RAPGEF5: variants seen among roughly 807,000 people sequenced by gnomAD.
The protein encoded by RAPGEF5 is M-Ras-regulated GEF.
In RAPGEF5, 65 loss-of-function variants were observed where a neutral mutation model predicts 125.2. That is an observed-to-expected ratio of 0.52 (90% CI 0.43 to 0.64). The LOEUF (loss-of-function observed/expected upper bound fraction) is 0.64, where lower values mean the gene tolerates loss of function less well. Ranked by LOEUF, RAPGEF5 falls within the 30% of genes least tolerant of loss-of-function variation. RAPGEF5 has a pLI of 0.00. For missense variants in RAPGEF5, 958 were observed against 1,048.1 expected (o/e 0.91, Z 1.19); for synonymous variants, 391 against 385.9 (o/e 1.01, Z -0.16).
At chr7:22,135,412 G>A (rs1783049240) in intron 23 of RAPGEF5, among the ~76,000 whole-genome samples, 2 of 152,306 alleles carry the variant, frequency 1.3e-5, no homozygotes, top group African/African-American at 2.4e-5. Context: ...TGGTTTGAAA[G>A]AGAGATCACT....
rs113564958 is a variant in RAPGEF5 at position 22,308,796 on chromosome 7, G to T, written c.512-289C>A. On this transcript the variant is annotated intron_variant, in intron 4 of 25. Coordinates refer to ENST00000665637, the MANE Select transcript of RAPGEF5 (RefSeq NM_012294.5). ...ATCAATAACAATTCAAAGAGGATGG[G>T]GAGAAATCTTTTTTAGTGACCCAAA... is the stretch of plus-strand genomic sequence containing the variant. 1.5e-3 allele frequency among the ~76,000 whole-genome samples: 222 copies of T among 152,278 alleles called. 2 individuals carry two copies. Among genetic ancestry groups the T allele is most frequent in the African/African-American group, 5.2e-3 (215 of 41,564 alleles).
chr7:22,283,081 T>C (rs1782712865), intron 6 of RAPGEF5, among the ~76,000 whole-genome samples: 1 of 145,710 alleles, frequency 6.9e-6, no homozygotes, highest in African/African-American at 2.6e-5. Flanking sequence ...GCATGAAAAA[T>C]AACCTAGCAA....
intron 1 of RAPGEF5, among the ~76,000 whole-genome samples, chr7:22,352,465 C>T (rs1041531473): frequency 6.6e-6 from 1 of 151,796 alleles, no homozygotes; most frequent in African/African-American, 2.4e-5. Context: ...TTCAGGGTTT[C>T]AGGTCGGGAG....
chr7:22,127,968 C>T (rs918426068), intron 24 of RAPGEF5, among the ~76,000 whole-genome samples: 2 of 152,190 alleles, frequency 1.3e-5, no homozygotes, highest in African/African-American at 4.8e-5. Context: ...TGAGACCTGA[C>T]TCATGTCTGT....
chr7:22,296,784 A>G (rs1583557750), intron 5 of RAPGEF5, among the ~76,000 whole-genome samples: 2 of 152,304 alleles, frequency 1.3e-5, no homozygotes, highest in East Asian at 3.9e-4. Flanking sequence ...CAGGAAAAGG[A>G]AAGATTAGCA....
chr7:22,138,870 TGCCAA>T (rs1400495467), intron 21 of RAPGEF5, among the ~76,000 whole-genome samples: 1 of 152,220 alleles, frequency 6.6e-6, no homozygotes, highest in Non-Finnish European at 1.5e-5. Context: ...CACTGACCCT[TGCCAA>T]GCCATTTGTT....
chr7:22,343,542 G>T (rs1332553707), intron 1 of RAPGEF5, among the ~76,000 whole-genome samples: 1 of 152,160 alleles, frequency 6.6e-6, no homozygotes, highest in Admixed American at 6.5e-5. Flanking sequence ...CAAAAGCTCT[G>T]AAATAGTTTC....
intron 10 of RAPGEF5, 53 bp downstream of exon 10, chr7:22,193,862 C>T: frequency 6.2e-7 from 1 of 1,611,314 alleles, no homozygotes; most frequent in African/African-American, 1.3e-5. Flanking sequence ...GGAAGGCAGG[C>T]AGGGAAAAGG....
intron 1 of RAPGEF5, among the ~76,000 whole-genome samples, chr7:22,337,928 T>C (rs1784055760): frequency 6.6e-6 from 1 of 152,256 alleles, no homozygotes; most frequent in African/African-American, 2.4e-5. Flanking sequence ...TCAAAGTACC[T>C]ATATGCAACC....
At chr7:22,198,892 T>A (rs937854800) in intron 9 of RAPGEF5, among the ~76,000 whole-genome samples, 4 of 152,200 alleles carry the variant, frequency 2.6e-5, no homozygotes, top group African/African-American at 4.8e-5. Flanking sequence ...AGCAGACAGA[T>A]GGCGAAGCTG....
At chr7:22,165,435 T>C (rs1784132569) in intron 12 of RAPGEF5, among the ~76,000 whole-genome samples, 1 of 152,202 alleles carries the variant, frequency 6.6e-6, no homozygotes, top group African/African-American at 2.4e-5. Context: ...ACAGATATTT[T>C]TCCAAAACAC....
At position 22,267,000 on chromosome 7, in the gene RAPGEF5, G is replaced by T; in HGVS notation, c.760C>A (p.Leu254Ile). 6.2e-7 allele frequency: 1 copy of T among 1,610,052 alleles called. No individual in the cohort carries two copies. The highest frequency in any genetic ancestry group is 8.5e-7 in the Non-Finnish European group (1 of 1,176,896). The change falls in exon 7 of 26, where the codon CTA becomes ATA. Residue 254 changes from leucine to isoleucine, a missense_variant. Transcript: ENST00000665637. Reference protein sequence around the residue: ...VRLTSAVQRELAAVIALKARK... With the variant: ...VRLTSAVQREIAAVIALKARK... ...GCTTTCAAAGCAATAACAGCTGCTA[G>T]CTCTCTCTGCACCTAATAAAATATT...
chr7:22,331,992 T>C (rs533857455), intron 1 of RAPGEF5, among the ~76,000 whole-genome samples: 16 of 152,292 alleles, frequency 1.1e-4, no homozygotes, highest in African/African-American at 3.9e-4. Context: ...CCTTCCAGCT[T>C]GAAAACCACA....
intron 9 of RAPGEF5, among the ~76,000 whole-genome samples, chr7:22,217,947 A>G (rs1283069166): frequency 6.6e-6 from 1 of 152,192 alleles, no homozygotes; most frequent in Non-Finnish European, 1.5e-5. Flanking sequence ...CTTTACAATT[A>G]TCAGCCCCAA....
intron 6 of RAPGEF5, among the ~76,000 whole-genome samples, chr7:22,274,497 T>C (rs1782511719): frequency 6.6e-6 from 1 of 151,880 alleles, no homozygotes; most frequent in Non-Finnish European, 1.5e-5. Flanking sequence ...GCCTGGCTAA[T>C]TTTTTAATTA....
chr7:22,122,554 A>C, intron 25 of RAPGEF5, 33 bp from the exon 26 acceptor site: 6 of 1,488,736 alleles, frequency 4.0e-6, no homozygotes, highest in African/African-American at 1.4e-5. Context: ...AGACAATCTC[A>C]GGAGAGCAGT....
intron 23 of RAPGEF5, among the ~76,000 whole-genome samples, chr7:22,135,657 T>C (rs565103767): frequency 6.6e-6 from 1 of 152,216 alleles, no homozygotes; most frequent in Non-Finnish European, 1.5e-5. Flanking sequence ...TAAGTTTAGG[T>C]TGCAAAAATA....
At chr7:22,232,374 G>A (rs1475192144) in intron 7 of RAPGEF5, among the ~76,000 whole-genome samples, 1 of 150,418 alleles carries the variant, frequency 6.6e-6, no homozygotes, top group East Asian at 2.0e-4. Flanking sequence ...GGAGTGCAGT[G>A]GCACAATCTT....
chr7:22,281,374 G>A (rs2128144828), intron 6 of RAPGEF5, among the ~76,000 whole-genome samples: 1 of 152,148 alleles, frequency 6.6e-6, no homozygotes, highest in African/African-American at 2.4e-5. Flanking sequence ...ACCTCATCGA[G>A]CTAATTTCTG....
Sources: allele counts gnomAD v4.1 joint callset (sites outside exome capture counted in the v4.1 genomes callset), GRCh38; gene constraint gnomAD v4.1.1; transcripts MANE v1.5; gene names NCBI Gene and HGNC (gene_info 2026-07-23, HGNC 2026-07-21).